PLCG2: variants seen among roughly 807,000 people sequenced by gnomAD.
PLCG2 encodes the protein 1-phosphatidylinositol 4,5-bisphosphate phosphodiesterase gamma-2.
Under a neutral mutation model 175.6 loss-of-function variants are expected in PLCG2, and 69 were observed. The observed-to-expected ratio is 0.39, with a 90% CI of 0.32 to 0.48. The LOEUF (loss-of-function observed/expected upper bound fraction) is 0.48, where lower values mean the gene tolerates loss of function less well. Ranked by LOEUF, PLCG2 falls within the 20% of genes least tolerant of loss-of-function variation. The pLI is 0.91. For missense variants in PLCG2, 1,798 were observed against 1,650.9 expected (o/e 1.09, Z -1.54); for synonymous variants, 827 against 624.0 (o/e 1.33, Z -4.85).
chr16:81,898,004 C>T (rs1908973995), intron 13 of PLCG2: 1 of 373,890 alleles, frequency 2.7e-6, no homozygotes, highest in Non-Finnish European at 5.4e-6. Flanking sequence ...CTGTGGGGTC[C>T]TAGCCCTTCT....
intron 2 of PLCG2, among the ~76,000 whole-genome samples, chr16:81,818,026 C>G (rs1304593568): frequency 6.6e-6 from 1 of 152,302 alleles, no homozygotes; most frequent in Middle Eastern, 3.4e-3. Context: ...ACTCTCTGTT[C>G]CTTCCTTTCA....
At chr16:81,819,757 G>T (rs994374221) in intron 2 of PLCG2, among the ~76,000 whole-genome samples, 6 of 152,160 alleles carry the variant, frequency 3.9e-5, no homozygotes, top group African/African-American at 1.4e-4. Context: ...GCTAATTTTT[G>T]TATTTTTAGC....
intron 9 of PLCG2, among the ~76,000 whole-genome samples, chr16:81,888,615 C>G (rs1908487080): frequency 6.6e-6 from 1 of 152,306 alleles, no homozygotes. Flanking sequence ...GGTAGATACT[C>G]TTATTCCCAC....
At chr16:81,837,248 G>A (rs1905566362) in intron 2 of PLCG2, among the ~76,000 whole-genome samples, 1 of 152,204 alleles carries the variant, frequency 6.6e-6, no homozygotes, top group South Asian at 2.1e-4. Flanking sequence ...TGTTGAAAGG[G>A]AAGTCTGCAT....
At chr16:81,747,273 A>T (rs980160584) in intron 1 of PLCG2, among the ~76,000 whole-genome samples, 1 of 152,184 alleles carries the variant, frequency 6.6e-6, no homozygotes, top group Non-Finnish European at 1.5e-5. Flanking sequence ...GGTGGCTCAC[A>T]CCTGTAAGCC....
At chr16:81,808,456 C>T (rs990736982) in intron 2 of PLCG2, among the ~76,000 whole-genome samples, 1 of 152,140 alleles carries the variant, frequency 6.6e-6, no homozygotes, top group Non-Finnish European at 1.5e-5. Context: ...TGAGTCTCAG[C>T]TCTGCCACCT....
chr16:81,912,258 G>T (rs968277747), intron 18 of PLCG2, among the ~76,000 whole-genome samples: 1 of 151,890 alleles, frequency 6.6e-6, no homozygotes, highest in African/African-American at 2.4e-5. Flanking sequence ...AGAGATGGGG[G>T]TCTCATTGTG....
chr16:81,813,507 CA>C (rs1408519950), intron 2 of PLCG2, among the ~76,000 whole-genome samples: 5 of 152,132 alleles, frequency 3.3e-5, no homozygotes, highest in Non-Finnish European at 7.4e-5. Flanking sequence ...GTGATTTTTG[CA>C]CATTGATTTT....
At chr16:81,841,934 G>A (rs1905854979) in intron 2 of PLCG2, among the ~76,000 whole-genome samples, 1 of 152,254 alleles carries the variant, frequency 6.6e-6, no homozygotes, top group African/African-American at 2.4e-5. Flanking sequence ...CAGCTGGGAA[G>A]CTGGTGTTGC....
At chr16:81,741,104 C>G (rs1337706452) in intron 1 of PLCG2, among the ~76,000 whole-genome samples, 1 of 152,186 alleles carries the variant, frequency 6.6e-6, no homozygotes, top group East Asian at 1.9e-4. Context: ...ACCTGCTGCC[C>G]CGACATCCAG....
intron 17 of PLCG2, among the ~76,000 whole-genome samples, chr16:81,909,352 G>T (rs970551262): frequency 6.6e-6 from 1 of 152,204 alleles, no homozygotes; most frequent in Non-Finnish European, 1.5e-5. Flanking sequence ...ATGCCCTGAC[G>T]TGGGGAATGG....
At chr16:81,954,389 C>T (rs1209392534) in intron 31 of PLCG2, among the ~76,000 whole-genome samples, 1 of 152,070 alleles carries the variant, frequency 6.6e-6, no homozygotes, top group Non-Finnish European at 1.5e-5. Flanking sequence ...CTTTAAGTTC[C>T]AGGATACAAG....
chr16:81,893,675 A>G (rs1444859749), intron 11 of PLCG2, 34 bp from the exon 12 acceptor site: 2 of 1,391,224 alleles, frequency 1.4e-6, no homozygotes, highest in Non-Finnish European at 2.0e-6. Flanking sequence ...TGTGGCTGCC[A>G]CTCTCACACG....
chr16:81,783,626 C>G (rs796854457), intron 1 of PLCG2, among the ~76,000 whole-genome samples: 9 of 152,222 alleles, frequency 5.9e-5, no homozygotes, highest in African/African-American at 2.2e-4. Context: ...TTCAGTTTTC[C>G]GCTGCCGTAT....
chr16:81,938,460 G>C (rs1002626738), intron 28 of PLCG2: 56 of 323,438 alleles, frequency 1.7e-4, no homozygotes, highest in Admixed American at 4.9e-4. Context: ...CTGTTCCTCA[G>C]CCTTTCCTAG....
At chr16:81,906,607 A>G (rs1567526481) in intron 15 of PLCG2, among the ~76,000 whole-genome samples, 1 of 152,154 alleles carries the variant, frequency 6.6e-6, no homozygotes, top group Non-Finnish European at 1.5e-5. Context: ...TAGCCTTAGT[A>G]GAGATAGTGT....
At chr16:81,940,106 C>G (rs200343785) in intron 30 of PLCG2, 47 bp downstream of exon 30, 6 of 1,511,074 alleles carry the variant, frequency 4.0e-6, no homozygotes, top group Admixed American at 3.5e-5. Context: ...TGGCGTTGTA[C>G]TTTGGTTTGG....
At position 81,889,208 on chromosome 16, in the gene PLCG2, C is replaced by T. The variant is rs1143687; in HGVS notation, c.802C>T (p.Arg268Trp). 0.057 allele frequency: 91,321 copies of T among 1,602,822 alleles called. 3,082 individuals carry two copies. Among genetic ancestry groups the T allele is most frequent in the Non-Finnish European group, 0.065 (76,715 of 1,173,750 alleles). Reference sequence around the variant, plus strand: ...TCAGGATCTGAACAAAGTCCGTGAGCGGATGACAAAGTTCATTGATGACAC... The same window carrying T: ...TCAGGATCTGAACAAAGTCCGTGAGTGGATGACAAAGTTCATTGATGACAC... ...WAQDLNKVRE[R>W]MTKFIDDTMR... Residue 268 changes from arginine to tryptophan, a missense_variant, in exon 10 of 33, where the codon CGG becomes TGG. Physicochemically the swap from Arg to Trp is moderately radical, Grantham distance 101. Transcript: ENST00000564138.
intron 16 of PLCG2, among the ~76,000 whole-genome samples, chr16:81,907,996 GCT>G (rs1187598764): frequency 2.0e-5 from 3 of 152,274 alleles, no homozygotes; most frequent in Admixed American, 6.5e-5. Context: ...ATGCTTTCCT[GCT>G]CTCTAAAGTG....
Sources: allele counts gnomAD v4.1 joint callset (sites outside exome capture counted in the v4.1 genomes callset), GRCh38; gene constraint gnomAD v4.1.1; transcripts MANE v1.5; gene names NCBI Gene and HGNC (gene_info 2026-07-23, HGNC 2026-07-21).